The following SMARCC1 variants were observed in gnomAD, a reference collection of about 807,000 sequenced individuals.
SMARCC1 encodes the protein SWI/SNF complex subunit SMARCC1.
Under a neutral mutation model 147.4 loss-of-function variants are expected in SMARCC1, and 43 were observed. The ratio of observed to expected loss-of-function variants is 0.29; its 90% CI spans 0.23 to 0.38. The LOEUF (loss-of-function observed/expected upper bound fraction) is 0.38, where lower values mean the gene tolerates loss of function less well. Ranked by LOEUF, SMARCC1 falls within the 10% of genes least tolerant of loss-of-function variation. SMARCC1 has a pLI of 1.00. For synonymous variants in SMARCC1, 495 were observed against 484.4 expected, an observed-to-expected ratio of 1.02 and a Z score of -0.29; for missense variants, 1,119 against 1,381.1, an observed-to-expected ratio of 0.81 and a Z score of 3.01.
At chr3:47,660,444 TAAAAAAAAAA>T (rs71070206) in intron 21 of SMARCC1, among the ~76,000 whole-genome samples, 1 of 67,320 alleles carries the variant, frequency 1.5e-5, no homozygotes, top group Non-Finnish European at 2.7e-5. Context: ...AGACTCTGTC[TAAAAAAAAAA>T]AAAAAAAAAA....
chr3:47,688,094 T>C (rs1200054923), intron 13 of SMARCC1, among the ~76,000 whole-genome samples: 1 of 152,040 alleles, frequency 6.6e-6, no homozygotes, highest in African/African-American at 2.4e-5. Flanking sequence ...ACTCTGTCTC[T>C]ACTAAAAATA....
At chr3:47,649,648 G>C (rs2033161582) in intron 21 of SMARCC1, among the ~76,000 whole-genome samples, 1 of 152,126 alleles carries the variant, frequency 6.6e-6, no homozygotes, top group African/African-American at 2.4e-5. Flanking sequence ...CAACTTGTAA[G>C]GAAAACACTT....
chr3:47,759,752 T>C (rs1205629278), intron 2 of SMARCC1, among the ~76,000 whole-genome samples: 2 of 149,440 alleles, frequency 1.3e-5, no homozygotes, highest in Non-Finnish European at 3.0e-5. Context: ...CTGGCCAACA[T>C]GGTGAAACCT....
At chr3:47,646,821 G>A (rs1306638179) in intron 21 of SMARCC1, among the ~76,000 whole-genome samples, 2 of 152,136 alleles carry the variant, frequency 1.3e-5, no homozygotes, top group African/African-American at 4.8e-5. Context: ...GCCATCTCCA[G>A]AGTTGCATGC....
At chr3:47,773,993 T>C (rs1308169615) in intron 1 of SMARCC1, among the ~76,000 whole-genome samples, 5 of 152,160 alleles carry the variant, frequency 3.3e-5, no homozygotes, top group African/African-American at 1.2e-4. Flanking sequence ...TGCCTTTCAG[T>C]TGGACGAGAG....
chr3:47,723,163 C>G (rs2034253046), intron 6 of SMARCC1, among the ~76,000 whole-genome samples: 1 of 152,108 alleles, frequency 6.6e-6, no homozygotes, highest in Admixed American at 6.6e-5. Context: ...CAGAAATTAG[C>G]TAGCCCTCAA....
chr3:47,780,895 CG>C (rs2035038995), intron 1 of SMARCC1, among the ~76,000 whole-genome samples: 1 of 151,532 alleles, frequency 6.6e-6, no homozygotes, highest in Non-Finnish European at 1.5e-5. Context: ...ACTGACTCGG[CG>C]GAACTTCCGT....
At chr3:47,689,752 TAAC>T (rs901770961) in intron 12 of SMARCC1, among the ~76,000 whole-genome samples, 4 of 152,286 alleles carry the variant, frequency 2.6e-5, no homozygotes, top group African/African-American at 9.6e-5. Flanking sequence ...TTTGCTAAAA[TAAC>T]AACATTTTGG....
At chr3:47,625,408 T>A (rs1351074651) in intron 24 of SMARCC1, among the ~76,000 whole-genome samples, 2 of 152,192 alleles carry the variant, frequency 1.3e-5, no homozygotes, top group Non-Finnish European at 2.9e-5. Flanking sequence ...TTAACTTTTG[T>A]ATTTTTGGTA....
chr3:47,603,925 A>T, intron 26 of SMARCC1: 1 of 414,616 alleles, frequency 2.4e-6, no homozygotes, highest in Non-Finnish European at 4.8e-6. Context: ...CAAAAGTTGG[A>T]GTTATCAGGT....
chr3:47,672,062 G>C (rs1201829741), intron 18 of SMARCC1, among the ~76,000 whole-genome samples: 1 of 152,098 alleles, frequency 6.6e-6, no homozygotes, highest in Non-Finnish European at 1.5e-5. Flanking sequence ...AAAAAATAAT[G>C]CATCAAAAAT....
chr3:47,744,719 C>T (rs1199232313), intron 3 of SMARCC1, among the ~76,000 whole-genome samples: 2 of 152,094 alleles, frequency 1.3e-5, no homozygotes, highest in Middle Eastern at 3.2e-3. Context: ...TCCCTGACAA[C>T]CCCACAGCTC....
At chr3:47,669,982 T>C (rs549858168) in intron 19 of SMARCC1, among the ~76,000 whole-genome samples, 1 of 152,366 alleles carries the variant, frequency 6.6e-6, no homozygotes, top group South Asian at 2.1e-4. Flanking sequence ...TTTGCATTCA[T>C]GGTGCAAAAG....
chr3:47,607,732 T>G (rs1045087664), intron 26 of SMARCC1, among the ~76,000 whole-genome samples: 1 of 152,074 alleles, frequency 6.6e-6, no homozygotes, highest in African/African-American at 2.4e-5. Context: ...TCTCACAAGC[T>G]ACAAATGGGA....
At chr3:47,773,911 C>T (rs2034944262) in intron 1 of SMARCC1, among the ~76,000 whole-genome samples, 8 of 152,114 alleles carry the variant, frequency 5.3e-5, no homozygotes, top group Admixed American at 3.9e-4. Flanking sequence ...GGATTACAGG[C>T]GTGAGCCACC....
At chr3:47,720,774 A>G (rs745944942) in intron 6 of SMARCC1, 39 bp from the exon 7 acceptor site, 1 of 1,380,950 alleles carries the variant, frequency 7.2e-7, no homozygotes, top group South Asian at 1.2e-5. Context: ...CAAACTGACA[A>G]AATAATAAAG....
At chr3:47,749,399 G>A (rs969461166) in intron 2 of SMARCC1, among the ~76,000 whole-genome samples, 4 of 149,714 alleles carry the variant, frequency 2.7e-5, no homozygotes, top group Non-Finnish European at 4.5e-5. Flanking sequence ...AGTGGCTCAC[G>A]CCTATAAAAC....
chr3:47,627,815 A>G (rs1025579559), intron 24 of SMARCC1, among the ~76,000 whole-genome samples: 4 of 152,096 alleles, frequency 2.6e-5, no homozygotes, highest in African/African-American at 7.2e-5. Flanking sequence ...CAAACTCCTC[A>G]GCTCAAGAGA....
intron 7 of SMARCC1, among the ~76,000 whole-genome samples, chr3:47,718,717 AT>A (rs1179809059): frequency 1.3e-5 from 2 of 151,978 alleles, no homozygotes; most frequent in East Asian, 1.9e-4. Flanking sequence ...AAATAAAAAA[AT>A]AAAAATAAAA....
Sources: allele counts gnomAD v4.1 joint callset (sites outside exome capture counted in the v4.1 genomes callset), GRCh38; gene constraint gnomAD v4.1.1; transcripts MANE v1.5; gene names NCBI Gene and HGNC (gene_info 2026-07-23, HGNC 2026-07-21).